The following INO80 variants were observed in gnomAD, a reference collection of about 807,000 sequenced individuals.
INO80 encodes INO80 complex ATPase subunit.
In INO80, 20 loss-of-function variants were observed where a neutral mutation model predicts 203.4. The observed-to-expected ratio is 0.10, with a 90% confidence interval of 0.07 to 0.14. The LOEUF is 0.14. INO80 is among the 10% of genes least tolerant of loss of function. The pLI is 1.00. For missense variants in INO80, 1,419 were observed against 1,914.4 expected (o/e 0.74, Z 4.83); for synonymous variants, 726 against 685.2 (o/e 1.06, Z -0.93).
chr15:41,051,502 T>C (rs1426686024), intron 19 of INO80, among the ~76,000 whole-genome samples: 1 of 150,792 alleles, frequency 6.6e-6, no homozygotes, highest in African/African-American at 2.4e-5. Context: ...CACCTCTCTA[T>C]GTAGCACTAA....
In INO80 at chr15:41,048,848, T is replaced by C. The variant is rs533734461; in HGVS notation, c.2576+439A>G. Among the ~76,000 whole-genome samples the C allele has an allele frequency of 2.2e-4, 34 of 152,368 alleles. 1 individual carries two copies. In the South Asian group the frequency reaches 6.4e-3, roughly 29 times the overall value. ...CTATTTTCTGAATGGAAGTCGTCTC[T>C]AGTGCATTACCTTAACAACCACTTC... On this transcript the variant is annotated intron_variant, in intron 21 of 35. Coordinates refer to ENST00000648947, the MANE Select transcript of INO80 (RefSeq NM_017553.3).
At chr15:40,982,578 A>C (rs1446101572) in intron 35 of INO80, among the ~76,000 whole-genome samples, 1 of 152,262 alleles carries the variant, frequency 6.6e-6, no homozygotes, top group Non-Finnish European at 1.5e-5. Flanking sequence ...GCCTAGGAAG[A>C]AAACAAATCC....
At chr15:41,074,619 G>A (rs1053351502) in intron 9 of INO80, 54 bp from the exon 10 acceptor site, 2 of 1,288,022 alleles carry the variant, frequency 1.6e-6, no homozygotes, top group African/African-American at 1.5e-5. Flanking sequence ...TATCCAAGAA[G>A]TAGTCCAGAA....
intron 4 of INO80, among the ~76,000 whole-genome samples, chr15:41,093,782 C>G (rs1169459541): frequency 1.3e-5 from 2 of 151,952 alleles, no homozygotes; most frequent in African/African-American, 4.8e-5. Context: ...GAGGTCGAAG[C>G]TGCACTAAGC....
chr15:40,991,155 G>A (rs1057085671), intron 29 of INO80, among the ~76,000 whole-genome samples: 1 of 152,188 alleles, frequency 6.6e-6, no homozygotes, highest in African/African-American at 2.4e-5. Context: ...TGAACAGTAA[G>A]ATTAAAGCCT....
intron 25 of INO80, among the ~76,000 whole-genome samples, chr15:41,026,281 G>A (rs528171331): frequency 2.4e-4 from 36 of 152,184 alleles, no homozygotes; most frequent in South Asian, 1.5e-3. Flanking sequence ...GGCTGGGCAC[G>A]GTGGCTCACA....
chr15:41,013,092 AACAACAACAACCACC>A (rs2140452778), intron 27 of INO80: 1 of 152,100 alleles, frequency 6.6e-6, no homozygotes, highest in African/African-American at 2.4e-5. Context: ...CAACAACAAC[AACAACAACAACCACC>A]ACAACAAAAA....
chr15:40,980,475 C>T, intron 35 of INO80, 35 bp from the exon 36 acceptor site: 8 of 1,527,640 alleles, frequency 5.2e-6, no homozygotes, highest in Non-Finnish European at 7.2e-6. Flanking sequence ...ACGTAAGCAC[C>T]AGTCCCGCGT....
intron 9 of INO80, among the ~76,000 whole-genome samples, chr15:41,078,020 C>T (rs998120639): frequency 6.6e-6 from 1 of 151,798 alleles, no homozygotes; most frequent in African/African-American, 2.4e-5. Flanking sequence ...CTGCCTCAGC[C>T]TCCCAAGCAG....
chr15:41,021,061 A>T lies in INO80; in HGVS notation c.3113T>A (p.Leu1038Gln). 6.2e-7 allele frequency: 1 copy of T among 1,614,202 alleles called. No homozygotes were observed. Among genetic ancestry groups the T allele is most frequent in the South Asian group, 1.1e-5 (1 of 91,090 alleles). ...GGCTGCCAGACTCCCTCCTTCCTTC[A>T]GAACTCGCCTTTCATATTCTGCACT... Reference protein sequence around the residue: ...DRSAEYERRVLKEGGSLAAKQ... With the variant: ...DRSAEYERRVQKEGGSLAAKQ... Residue 1038 changes from leucine to glutamine, a missense_variant, in exon 26 of 36, where the codon CTG (leucine) becomes CAG (glutamine). Physicochemically the swap from Leu to Gln is moderately radical, Grantham distance 113 (BLOSUM62 -2). This residue lies in a region of INO80 where 302 missense variants were observed against 345.4 expected (regional missense o/e 0.87). Coordinates refer to ENST00000648947, the MANE Select transcript of INO80 (RefSeq NM_017553.3).
intron 11 of INO80, among the ~76,000 whole-genome samples, 162 bp from the exon 12 acceptor site, chr15:41,072,220 T>C (rs1230488241): frequency 6.6e-6 from 1 of 152,056 alleles, no homozygotes; most frequent in Non-Finnish European, 1.5e-5. Context: ...TATGACATCA[T>C]TTCTATAAAA....
chr15:41,058,802 G>C (rs112427723), intron 15 of INO80, 21 bp from the exon 16 acceptor site: 2 of 1,600,540 alleles, frequency 1.2e-6, no homozygotes, highest in Non-Finnish European at 1.7e-6. Context: ...AAAAGGGGAA[G>C]GGTGAAAAGA....
At chr15:41,006,465 A>T (rs560713690) in intron 27 of INO80, among the ~76,000 whole-genome samples, 2 of 152,378 alleles carry the variant, frequency 1.3e-5, no homozygotes, top group East Asian at 1.9e-4. Context: ...AGCATAAAAT[A>T]GTTGATTCGG....
At chr15:41,100,633 T>G (rs2045793305) in intron 1 of INO80, among the ~76,000 whole-genome samples, 1 of 152,152 alleles carries the variant, frequency 6.6e-6, no homozygotes, top group South Asian at 2.1e-4. Flanking sequence ...AAAGGTGCTG[T>G]AAGCACAAAA....
chr15:41,000,511 C>T (rs1033502765), intron 28 of INO80, among the ~76,000 whole-genome samples: 4 of 151,796 alleles, frequency 2.6e-5, no homozygotes, highest in South Asian at 2.1e-4. Context: ...GCCTTGGCAA[C>T]AGGGCGAAAC....
intron 1 of INO80, among the ~76,000 whole-genome samples, chr15:41,107,955 C>T (rs1426451454): frequency 6.6e-6 from 1 of 151,930 alleles, no homozygotes; most frequent in Non-Finnish European, 1.5e-5. Flanking sequence ...CAAAAATTAG[C>T]CGGGCATGGT....
At chr15:41,045,144 A>G (rs1055067147) in intron 23 of INO80, 69 bp from the exon 24 acceptor site, 1 of 1,216,448 alleles carries the variant, frequency 8.2e-7, no homozygotes, top group African/African-American at 1.5e-5. Flanking sequence ...TCATAGCAGC[A>G]AGGATTGTCT....
chr15:41,082,226 G>A (rs1373874795), intron 7 of INO80, among the ~76,000 whole-genome samples: 1 of 149,018 alleles, frequency 6.7e-6, no homozygotes, highest in Admixed American at 6.7e-5. Flanking sequence ...CTCCAGCCTG[G>A]GTGACAAGAG....
chr15:41,066,521 T>C (rs1343622085), intron 14 of INO80, among the ~76,000 whole-genome samples: 1 of 151,422 alleles, frequency 6.6e-6, no homozygotes, highest in African/African-American at 2.4e-5. Context: ...AAAAAATATA[T>C]TGGGGCACTA....
Sources: allele counts gnomAD v4.1 joint callset (sites outside exome capture counted in the v4.1 genomes callset), GRCh38; gene constraint gnomAD v4.1.1; regional missense constraint gnomAD v4.1.1; transcripts MANE v1.5; gene names NCBI Gene and HGNC (gene_info 2026-07-23, HGNC 2026-07-21).